Variants in RTTN observed in about 807,000 individuals in gnomAD.
RTTN encodes rotatin.
A neutral mutation model predicts 269.2 loss-of-function variants in RTTN; 182 were observed. The ratio of observed to expected loss-of-function variants is 0.68; its 90% CI spans 0.60 to 0.76. The LOEUF is 0.76. Ranked by LOEUF, RTTN falls within the 30% of genes least tolerant of loss-of-function variation. The pLI is 0.00. For missense variants in RTTN, 2,545 were observed against 2,608.6 expected (o/e 0.98, Z 0.53); for synonymous variants, 1,006 against 963.5 (o/e 1.04, Z -0.82).
chr18:70,082,223 G>C (rs1192707994), intron 32 of RTTN, among the ~76,000 whole-genome samples: 1 of 152,102 alleles, frequency 6.6e-6, no homozygotes, highest in Non-Finnish European at 1.5e-5. Context: ...TTAAATGTGA[G>C]ATCATTTTCA....
chr18:70,128,167 C>T, intron 24 of RTTN, 191 bp downstream of exon 24: 2 of 530,562 alleles, frequency 3.8e-6, no homozygotes, highest in African/African-American at 1.9e-5. Context: ...TAAAGTTTTC[C>T]CATATGATAG....
Position 70,201,944 on chromosome 18 carries a change from G to A in RTTN, c.437C>T (p.Pro146Leu). ...KNPEILTGYF[P>L]QDKSNFQQME... ...CTGCTGGAAATTACTTTTGTCTTGGGGAAAATATCCTGTTAAGATTTCAGG... is the reference window on the plus strand; with the variant it reads ...CTGCTGGAAATTACTTTTGTCTTGGAGAAAATATCCTGTTAAGATTTCAGG... The change falls in exon 4 of 49, where the codon CCC (proline) becomes CTC (leucine). Residue 146 changes from proline (P) to leucine (L), a missense_variant. By Grantham distance (98) the Pro-to-Leu change is moderately conservative (BLOSUM62 -3). Transcript: ENST00000640769. 1 of 1,611,108 alleles carries A rather than the reference G, an allele frequency of 6.2e-7. No individual in the cohort carries two copies. The highest frequency in any genetic ancestry group is 1.7e-5 in the Admixed American group (1 of 59,932).
At chr18:70,054,698 A>G (rs2057768132) in intron 37 of RTTN, among the ~76,000 whole-genome samples, 1 of 152,152 alleles carries the variant, frequency 6.6e-6, no homozygotes, top group Non-Finnish European at 1.5e-5. Flanking sequence ...CCGGGCCTGC[A>G]GTCCCAGCTA....
intron 33 of RTTN, chr18:70,074,808 A>C (rs1244747518): frequency 1.3e-5 from 2 of 151,798 alleles, no homozygotes; most frequent in African/African-American, 4.8e-5. Flanking sequence ...AGAACCTACA[A>C]ACAAAAGGAA....
Position 70,109,556 on chromosome 18 carries a change from T to C in RTTN, c.3845A>G (p.His1282Arg), listed in dbSNP as rs751311753. The change falls in exon 28 of 49, where the codon CAC becomes CGC. Residue 1282 changes from histidine to arginine, a missense_variant. Physicochemically the swap from His to Arg is conservative, Grantham distance 29 (BLOSUM62 0). Transcript: ENST00000640769. ...ATCTAGAGGCTTTGTGAGAGGAGAG[T>C]GTGAGCTCCATCCCGGAAACGCAGT... ...NLTAFPGWSS[H>R]SPLTKPLDIC... The C allele has an allele frequency of 8.7e-6, 14 of 1,610,886 alleles. No individual in the cohort carries two copies. The highest frequency in any genetic ancestry group is 1.7e-5 in the Admixed American group (1 of 59,694).
At chr18:70,065,657 A>C (rs985858479) in intron 35 of RTTN, among the ~76,000 whole-genome samples, 172 bp downstream of exon 35, 5 of 152,232 alleles carry the variant, frequency 3.3e-5, no homozygotes, top group African/African-American at 1.2e-4. Flanking sequence ...TTTATTAGTT[A>C]AGAGCATTTA....
In RTTN at chr18:70,197,645, A is replaced by C; in HGVS notation, c.672T>G (p.Leu224=). 1 of 1,612,946 alleles carries C rather than the reference A, an allele frequency of 6.2e-7. No homozygotes were observed. Among genetic ancestry groups the C allele is most frequent in the South Asian group, 1.1e-5 (1 of 91,046 alleles). The change falls in exon 6 of 49, where the codon CTT becomes CTG. Residue 224 remains leucine, a synonymous_variant. Transcript: ENST00000640769. ...TGACCTGAACAATTTTTGGCCTTTG[A>C]AGGAAAATCTCAGCAGGAAAATCTT... is the stretch of plus-strand genomic sequence containing the variant. ...IMQDFPAEIF[L]QRPKIVQSLL...
At chr18:70,203,984 G>T (rs1166134831) in intron 3 of RTTN, 102 bp downstream of exon 3, 1 of 865,694 alleles carries the variant, frequency 1.2e-6, no homozygotes, top group Non-Finnish European at 1.8e-6. Flanking sequence ...ATAAGTTTGG[G>T]GGAGGTGGGA....
At chr18:70,188,016 T>C (rs1045610030) in intron 10 of RTTN, 92 bp downstream of exon 10, 2 of 708,498 alleles carry the variant, frequency 2.8e-6, no homozygotes, top group East Asian at 5.1e-5. Flanking sequence ...AAAAAGATTT[T>C]GAACACGAAT....
chr18:70,195,338 T>C (rs1280535601), intron 7 of RTTN, among the ~76,000 whole-genome samples: 3 of 152,276 alleles, frequency 2.0e-5, no homozygotes, highest in Non-Finnish European at 4.4e-5. Flanking sequence ...TGAAGCTATG[T>C]TTACCCAACC....
chr18:70,155,971 G>A (rs1008926375), intron 14 of RTTN, among the ~76,000 whole-genome samples: 15 of 152,108 alleles, frequency 9.9e-5, no homozygotes, highest in Non-Finnish European at 1.5e-4. Flanking sequence ...CATCTCGTAA[G>A]CTGAGGAGGA....
chr18:70,177,869 T>C (rs188654303), intron 10 of RTTN, among the ~76,000 whole-genome samples: 94 of 152,250 alleles, frequency 6.2e-4, no homozygotes, highest in Non-Finnish European at 1.0e-3. Context: ...GTGGAAAATA[T>C]AATGGGCAGT....
intron 27 of RTTN, among the ~76,000 whole-genome samples, chr18:70,113,097 T>A (rs1397593211): frequency 6.6e-6 from 1 of 152,088 alleles, no homozygotes. Context: ...AAGGCAGAAA[T>A]AAAGATGTTC....
At chr18:70,104,640 G>C (rs1407591301) in intron 28 of RTTN, among the ~76,000 whole-genome samples, 2 of 152,110 alleles carry the variant, frequency 1.3e-5, no homozygotes, top group Non-Finnish European at 2.9e-5. Context: ...ATCTATCTTT[G>C]GTCTTTGATG....
At chr18:70,034,650 T>C (rs12608042) in intron 40 of RTTN, among the ~76,000 whole-genome samples, 118,447 of 151,900 alleles carry the variant, frequency 0.78, 52,228 homozygotes, top group East Asian at 1. Flanking sequence ...AAGGATGCCC[T>C]CTTTCACCAT....
chr18:70,040,504 T>G (rs968835566), intron 40 of RTTN, among the ~76,000 whole-genome samples: 1 of 152,050 alleles, frequency 6.6e-6, no homozygotes, highest in African/African-American at 2.4e-5. Flanking sequence ...GAGAGCGAGA[T>G]CTCAAGACGA....
intron 44 of RTTN, 133 bp downstream of exon 44, chr18:70,024,589 C>T (rs1244750742): frequency 6.3e-6 from 5 of 793,010 alleles, no homozygotes; most frequent in Non-Finnish European, 9.9e-6. Context: ...GAAAGCTTGC[C>T]TTTGCCCATC....
chr18:70,184,716 T>TTTGTGTGTG (rs59000945), intron 10 of RTTN, among the ~76,000 whole-genome samples: 126 of 33,428 alleles, frequency 3.8e-3, no homozygotes, highest in African/African-American at 5.3e-3. Context: ...TTTTTTTTTT[T>TTTGTGTGTG]TGTGTGTGTG....
At chr18:70,106,434 C>T (rs940123565) in intron 28 of RTTN, among the ~76,000 whole-genome samples, 10 of 151,912 alleles carry the variant, frequency 6.6e-5, no homozygotes, top group African/African-American at 2.4e-4. Context: ...ACAGGAAAGG[C>T]CAAACAGTAT....
Sources: gnomAD v4.1 joint callset for allele counts (sites outside exome capture counted in the v4.1 genomes callset) on GRCh38, gnomAD v4.1.1 for gene constraint, MANE v1.5 for transcripts, NCBI Gene and HGNC (gene_info 2026-07-23, HGNC 2026-07-21) for gene names.